Variants in ROR2 observed in about 807,000 individuals in gnomAD.
ROR2 encodes the protein tyrosine-protein kinase transmembrane receptor ROR2.
A neutral mutation model predicts 74.9 loss-of-function variants in ROR2; 33 were observed. The observed-to-expected ratio is 0.44, with a 90% CI of 0.33 to 0.59. The LOEUF is 0.59. ROR2 is among the 20% of genes least tolerant of loss of function. ROR2 has a pLI of 0.02. For synonymous variants in ROR2, 586 were observed against 558.7 expected (o/e 1.05, Z -0.69); for missense variants, 1,216 against 1,313.8 (o/e 0.93, Z 1.15).
At chr9:91,928,178 C>A (rs945376888) in intron 1 of ROR2, among the ~76,000 whole-genome samples, 13 of 152,112 alleles carry the variant, frequency 8.5e-5, no homozygotes, top group Non-Finnish European at 2.9e-5. Flanking sequence ...AGGCACCAGG[C>A]ACCAGACACC....
intron 1 of ROR2, among the ~76,000 whole-genome samples, chr9:91,933,787 GC>G (rs753966601): frequency 5.9e-5 from 9 of 152,130 alleles, no homozygotes; most frequent in African/African-American, 9.7e-5. Flanking sequence ...TCCAGAATAG[GC>G]AAATCCACAG....
At chr9:91,788,636 G>A (rs1051025809) in intron 1 of ROR2, among the ~76,000 whole-genome samples, 3 of 152,100 alleles carry the variant, frequency 2.0e-5, no homozygotes, top group South Asian at 4.2e-4. Context: ...AGGCCGAGGT[G>A]GGCAGATCAC....
chr9:91,843,684 G>A (rs1402239022), intron 1 of ROR2, among the ~76,000 whole-genome samples: 1 of 152,214 alleles, frequency 6.6e-6, no homozygotes, highest in Non-Finnish European at 1.5e-5. Context: ...ATGTCTGCAG[G>A]TGATAAATCA....
Position 91,805,748 on chromosome 9 carries a change from G to A in ROR2, c.98-29930C>T, listed in dbSNP as rs117920878. Among the ~76,000 whole-genome samples the A allele has an allele frequency of 2.7e-3, 416 of 152,180 alleles. 2 individuals carry two copies. Among genetic ancestry groups the A allele is most frequent in the Middle Eastern group, 6.8e-3 (2 of 294 alleles). On this transcript the variant is annotated intron_variant, in intron 1 of 8. Transcript: ENST00000375708. ...ACATATGCACACCTTTCAACCCAAC[G>A]CCGAGGGGTGAATACAGAAAGAAGA...
intron 1 of ROR2, among the ~76,000 whole-genome samples, chr9:91,909,726 A>G (rs1324481868): frequency 6.6e-6 from 1 of 151,186 alleles, no homozygotes; most frequent in Non-Finnish European, 1.5e-5. Flanking sequence ...AATATCTTGG[A>G]AAGCTTTATG....
chr9:91,794,929 C>T (rs1827120698), intron 1 of ROR2, among the ~76,000 whole-genome samples: 1 of 152,074 alleles, frequency 6.6e-6, no homozygotes, highest in Non-Finnish European at 1.5e-5. Flanking sequence ...CGAGACCAGC[C>T]TGGGCAACAT....
At chr9:91,744,118 G>C (rs1270137212) in intron 4 of ROR2, among the ~76,000 whole-genome samples, 1 of 150,586 alleles carries the variant, frequency 6.6e-6, no homozygotes, top group Non-Finnish European at 1.5e-5. Context: ...CACAAGGCAG[G>C]AATTTTTAGT....
At chr9:91,845,703 G>A (rs113634388) in intron 1 of ROR2, among the ~76,000 whole-genome samples, 4,422 of 151,742 alleles carry the variant, frequency 0.029, 155 homozygotes, top group Middle Eastern at 0.09. Context: ...CCAACATGGC[G>A]AAACCCCATC....
chr9:91,861,174 T>C (rs1356141529), intron 1 of ROR2, among the ~76,000 whole-genome samples: 2 of 152,192 alleles, frequency 1.3e-5, no homozygotes, highest in Non-Finnish European at 2.9e-5. Context: ...CTGTTAAAGA[T>C]GGAAATACTC....
intron 1 of ROR2, among the ~76,000 whole-genome samples, chr9:91,833,769 T>A (rs1299131126): frequency 6.6e-6 from 1 of 151,804 alleles, no homozygotes; most frequent in East Asian, 2.0e-4. Flanking sequence ...TGCTGGAGCA[T>A]CCCCTCTGCC....
chr9:91,932,070 A>G (rs1440619550), intron 1 of ROR2, among the ~76,000 whole-genome samples: 1 of 152,204 alleles, frequency 6.6e-6, no homozygotes, highest in African/African-American at 2.4e-5. Context: ...AAAAAGAGGG[A>G]GCTGCTTTTC....
intron 1 of ROR2, among the ~76,000 whole-genome samples, chr9:91,875,707 G>A (rs1486031934): frequency 2.0e-5 from 3 of 152,196 alleles, no homozygotes; most frequent in African/African-American, 7.2e-5. Context: ...TTCTCTGGAG[G>A]TGAGAGAGCT....
chr9:91,793,107 A>G (rs893476245), intron 1 of ROR2, among the ~76,000 whole-genome samples: 5 of 152,194 alleles, frequency 3.3e-5, no homozygotes, highest in Admixed American at 1.3e-4. Context: ...AAAACATCGA[A>G]GGAAACAAAA....
intron 4 of ROR2, among the ~76,000 whole-genome samples, chr9:91,745,677 C>T (rs892776648): frequency 2.0e-5 from 3 of 151,380 alleles, no homozygotes; most frequent in African/African-American, 7.3e-5. Context: ...CCGCCCACCT[C>T]GGCCTCCCAA....
At chr9:91,839,542 G>A (rs940804663) in intron 1 of ROR2, among the ~76,000 whole-genome samples, 1 of 151,802 alleles carries the variant, frequency 6.6e-6, no homozygotes, top group Non-Finnish European at 1.5e-5. Context: ...GGAGGTATAT[G>A]AGTGTGGTGT....
At chr9:91,730,586 G>T (rs1473608406) in intron 7 of ROR2, among the ~76,000 whole-genome samples, 1 of 152,040 alleles carries the variant, frequency 6.6e-6, no homozygotes, top group Non-Finnish European at 1.5e-5. Context: ...TCAGTCTCTT[G>T]AGTAGCTGGG....
rs1290317688 is a variant in ROR2, at chr9:91,905,366, CAA to C, written c.97+44499_97+44500del. Among the ~76,000 whole-genome samples the C allele has an allele frequency of 1.3e-5, 2 of 151,752 alleles. No individual in the cohort carries two copies. Among genetic ancestry groups the C allele is most frequent in the African/African-American group, 4.8e-5 (2 of 41,268 alleles). On this transcript the variant is annotated intron_variant, in intron 1 of 8. Transcript: ENST00000375708. This position sits in a 1 kb window ranked among gnomAD's most constrained non-coding sequence, Gnocchi z 5.3. ...ACACAACCATCACACACCATACACA[CAA>C]GACACACAACACATACCACACACAC... is the stretch of plus-strand genomic sequence containing the variant.
At chr9:91,841,832 T>C (rs570582989) in intron 1 of ROR2, among the ~76,000 whole-genome samples, 5 of 152,208 alleles carry the variant, frequency 3.3e-5, no homozygotes, top group Non-Finnish European at 7.3e-5. Context: ...TTTCTTATAT[T>C]AATGGCACCT....
rs1337229642 is a variant in ROR2 at position 91,787,024 on chromosome 9, G to T, written c.98-11206C>A. On this transcript the variant is annotated intron_variant, in intron 1 of 8. Transcript: ENST00000375708. ...TGACAATGAGACCCTGTGCAATCCG[G>T]AAATGAAAGCTGAAGCCGTCTTTAC... Among the ~76,000 whole-genome samples, 6 of 152,186 alleles carry T rather than the reference G, an allele frequency of 3.9e-5. 1 individual carries two copies.
Sources: allele counts gnomAD v4.1 joint callset (sites outside exome capture counted in the v4.1 genomes callset), GRCh38; gene constraint gnomAD v4.1.1; non-coding constraint Gnocchi (gnomAD v3.1); transcripts MANE v1.5; gene names NCBI Gene and HGNC (gene_info 2026-07-23, HGNC 2026-07-21).